Variants in GRID2 observed in about 807,000 individuals in gnomAD.
GRID2 encodes the protein glutamate ionotropic receptor delta type subunit 2.
In GRID2, 33 loss-of-function variants were observed where a neutral mutation model predicts 114.8. The observed-to-expected ratio is 0.29, with a 90% CI of 0.22 to 0.38. The LOEUF is 0.38. Among genes scored for constraint, GRID2 ranks in the 10% least tolerant of loss-of-function variants. The pLI is 1.00. For missense variants in GRID2, 1,184 were observed against 1,257.7 expected (o/e 0.94, Z 0.89); for synonymous variants, 505 against 449.9 (o/e 1.12, Z -1.55).
At chr4:93,500,657 C>G (rs1360881333) in intron 12 of GRID2, among the ~76,000 whole-genome samples, 6 of 152,062 alleles carry the variant, frequency 3.9e-5, no homozygotes, top group South Asian at 4.1e-4. Flanking sequence ...AAATCTGATG[C>G]ATCTGCAAGC....
chr4:92,495,369 C>G (rs1723337315), intron 1 of GRID2, among the ~76,000 whole-genome samples: 2 of 151,778 alleles, frequency 1.3e-5, no homozygotes, highest in South Asian at 4.1e-4. Flanking sequence ...ACATAGATTC[C>G]CTGTTATACA....
chr4:92,847,731 T>A (rs978426034), intron 2 of GRID2, among the ~76,000 whole-genome samples: 1 of 152,076 alleles, frequency 6.6e-6, no homozygotes, highest in African/African-American at 2.4e-5. Flanking sequence ...TCCCAAGGAA[T>A]GTTTATTTTA....
intron 2 of GRID2, among the ~76,000 whole-genome samples, chr4:92,959,722 G>A (rs879267731): frequency 3.3e-5 from 5 of 151,990 alleles, no homozygotes; most frequent in Non-Finnish European, 7.4e-5. Flanking sequence ...GGATGAAGCT[G>A]GAAGCCATCA....
At chr4:93,159,357 G>T (rs1737470120) in intron 4 of GRID2, among the ~76,000 whole-genome samples, 2 of 151,786 alleles carry the variant, frequency 1.3e-5, no homozygotes, top group Admixed American at 1.3e-4. Flanking sequence ...ATAGTGCTGA[G>T]AAAAGCAACA....
At chr4:92,578,406 A>C (rs1023777793) in intron 1 of GRID2, among the ~76,000 whole-genome samples, 1 of 151,232 alleles carries the variant, frequency 6.6e-6, no homozygotes, top group Non-Finnish European at 1.5e-5. Flanking sequence ...ACTGAGAATG[A>C]TGATTTCCAA....
At chr4:92,747,666 T>C (rs1737219611) in intron 2 of GRID2, among the ~76,000 whole-genome samples, 1 of 152,166 alleles carries the variant, frequency 6.6e-6, no homozygotes, top group Non-Finnish European at 1.5e-5. Context: ...AAAGAGACTA[T>C]TACAAGCTTC....
intron 2 of GRID2, among the ~76,000 whole-genome samples, chr4:92,686,108 T>C (rs1733893166): frequency 6.6e-6 from 1 of 152,048 alleles, no homozygotes; most frequent in Admixed American, 6.5e-5. Context: ...ATGAAGTCCC[T>C]TCATTCATTG....
chr4:92,715,429 T>C (rs79036020), intron 2 of GRID2, among the ~76,000 whole-genome samples: 22,805 of 152,112 alleles, frequency 0.15, 1,971 homozygotes, highest in East Asian at 0.34. Context: ...AGTTCCAAAG[T>C]CGCTTCCACA....
rs904847871 is a variant in GRID2 at position 92,943,036 on chromosome 4, C to T, written c.245-141959C>T. On this transcript the variant is annotated intron_variant, in intron 2 of 15. Transcript: ENST00000282020. The stretch of plus-strand genomic sequence containing the variant: ...TTCATTTCAGCTTTGGTGAATCTGA[C>T]AATTATGTGTCTTGGAGTTGCTCTT... Among the ~76,000 whole-genome samples the T allele has an allele frequency of 4.6e-5, 7 of 152,240 alleles. No homozygotes were observed. The East Asian group carries it at 1.4e-3, about 29-fold the overall frequency.
At chr4:92,593,069 GA>G (rs977147295) in intron 2 of GRID2, among the ~76,000 whole-genome samples, 4 of 151,678 alleles carry the variant, frequency 2.6e-5, no homozygotes, top group African/African-American at 9.7e-5. Context: ...TCTAAAGAAG[GA>G]AAAAAGATTC....
At chr4:92,449,657 ATG>A (rs1323270775) in intron 1 of GRID2, among the ~76,000 whole-genome samples, 11 of 131,088 alleles carry the variant, frequency 8.4e-5, no homozygotes, top group African/African-American at 2.3e-4. Context: ...ATAATCAAAT[ATG>A]TCTATCTTTT....
chr4:93,141,063 C>T (rs1735727307), intron 4 of GRID2, among the ~76,000 whole-genome samples: 1 of 152,030 alleles, frequency 6.6e-6, no homozygotes, highest in African/African-American at 2.4e-5. Context: ...TAAGTTTTCC[C>T]ATTTTCCATA....
intron 8 of GRID2, among the ~76,000 whole-genome samples, chr4:93,382,922 C>A (rs1050487534): frequency 6.6e-6 from 1 of 151,050 alleles, no homozygotes; most frequent in African/African-American, 2.4e-5. Flanking sequence ...CCCTTTTGTT[C>A]TAAATGTTGT....
At chr4:92,484,573 C>A (rs1046682735) in intron 1 of GRID2, among the ~76,000 whole-genome samples, 5 of 151,930 alleles carry the variant, frequency 3.3e-5, no homozygotes, top group African/African-American at 9.7e-5. Context: ...ATATTTTATG[C>A]AAAGCCAACA....
chr4:93,149,786 A>G (rs1416468250), intron 4 of GRID2, among the ~76,000 whole-genome samples: 7 of 151,936 alleles, frequency 4.6e-5, no homozygotes, highest in Admixed American at 4.6e-4. Flanking sequence ...GGTCCATGCA[A>G]CACGACCTGG....
rs897411033 is a variant in GRID2 at position 93,471,698 on chromosome 4, A to ATTTTTTTTT, written c.1858+15733_1858+15741dup. ...ATTGTTATTTCTTCTCCTGAATTCAATTTTTTTTTTTTTTTTTGGAGACGG... is the reference window on the plus strand; with the variant it reads ...ATTGTTATTTCTTCTCCTGAATTCAATTTTTTTTTTTTTTTTTTTTTTTTTTGGAGACGG... On this transcript the variant is annotated intron_variant, in intron 11 of 15. Coordinates refer to ENST00000282020, the MANE Select transcript of GRID2 (RefSeq NM_001510.4). Among the ~76,000 whole-genome samples the ATTTTTTTTT allele has an allele frequency of 1.2e-3, 72 of 60,990 alleles. 14 individuals carry two copies. Among genetic ancestry groups the ATTTTTTTTT allele is most frequent in the African/African-American group, 5.1e-3 (56 of 11,078 alleles). The allele number at this position is 60,990 out of a possible 152,430, so 40.0% of individuals were successfully genotyped here.
intron 2 of GRID2, among the ~76,000 whole-genome samples, chr4:93,072,654 G>C (rs560698073): frequency 2.2e-5 from 3 of 138,456 alleles, no homozygotes. Context: ...GCAACTATTT[G>C]AAAAAAAAAA....
At chr4:92,812,514 T>C (rs1578223991) in intron 2 of GRID2, among the ~76,000 whole-genome samples, 1 of 152,112 alleles carries the variant, frequency 6.6e-6, no homozygotes, top group African/African-American at 2.4e-5. Context: ...TTTACATGTA[T>C]ATTTTCATTA....
chr4:92,331,786 A>G (rs917664165), intron 1 of GRID2, among the ~76,000 whole-genome samples: 7 of 152,204 alleles, frequency 4.6e-5, no homozygotes, highest in Non-Finnish European at 1.0e-4. Context: ...TTGGACTTTT[A>G]GGCTTACTTT....
Sources: allele counts gnomAD v4.1 joint callset (sites outside exome capture counted in the v4.1 genomes callset), GRCh38; gene constraint gnomAD v4.1.1; transcripts MANE v1.5; gene names NCBI Gene and HGNC (gene_info 2026-07-23, HGNC 2026-07-21).